Variants in MIPOL1 observed in about 807,000 individuals in gnomAD.
MIPOL1 encodes mirror-image polydactyly 1, also known as mirror-image polydactyly gene 1 protein.
MIPOL1 carries 57 observed loss-of-function variants against 60.9 expected under a neutral mutation model. The observed-to-expected ratio is 0.94, with a 90% CI of 0.76 to 1.17. The LOEUF (loss-of-function observed/expected upper bound fraction) is 1.17, where lower values mean the gene tolerates loss of function less well. Ranked by LOEUF, MIPOL1 falls within the 50% of genes most tolerant of loss-of-function variation. The pLI is 0.00. For synonymous variants in MIPOL1, 179 were observed against 168.8 expected (o/e 1.06, Z -0.47); for missense variants, 551 against 511.6 (o/e 1.08, Z -0.74).
intron 10 of MIPOL1, among the ~76,000 whole-genome samples, chr14:37,402,969 CA>C (rs2093514424): frequency 6.6e-6 from 1 of 152,170 alleles, no homozygotes; most frequent in African/African-American, 2.4e-5. Context: ...GCGGTAGCCA[CA>C]ACCTGTTCGT....
intron 9 of MIPOL1, among the ~76,000 whole-genome samples, chr14:37,353,788 C>A (rs2091591242): frequency 1.3e-5 from 2 of 152,028 alleles, no homozygotes; most frequent in Non-Finnish European, 2.9e-5. Context: ...ATATTTGATT[C>A]TTCTCTCTTT....
intron 7 of MIPOL1, among the ~76,000 whole-genome samples, chr14:37,304,659 A>G (rs538786307): frequency 6.6e-6 from 1 of 151,922 alleles, no homozygotes; most frequent in Non-Finnish European, 1.5e-5. Flanking sequence ...AACAAGGTGA[A>G]CGACTGTAGT....
chr14:37,487,453 A>G (rs2094966888), intron 11 of MIPOL1, among the ~76,000 whole-genome samples: 1 of 152,144 alleles, frequency 6.6e-6, no homozygotes, highest in Non-Finnish European at 1.5e-5. Context: ...TTTGGCTGTG[A>G]ATCCATCTGG....
At chr14:37,336,229 C>T (rs2090104358) in intron 9 of MIPOL1, among the ~76,000 whole-genome samples, 1 of 151,026 alleles carries the variant, frequency 6.6e-6, no homozygotes, top group African/African-American at 2.4e-5. Flanking sequence ...TATATATGCA[C>T]AGGTTTACTT....
rs2082922321 is a variant in MIPOL1, at chr14:37,266,980, A to G, written c.62A>G (p.Asn21Ser). The change falls in exon 4 of 13, where the codon AAT becomes AGT. Residue 21 changes from asparagine (N) to serine (S), a missense_variant. By Grantham distance (46) the Asn-to-Ser change is conservative. Coordinates refer to ENST00000684589, the MANE Select transcript of MIPOL1 (RefSeq NM_001388067.1). ...CTTGAACAAGAAACTACGGGGATAAATAAAAGTACGCAGCCAGATGAGCAA... is the reference window on the plus strand; with the variant it reads ...CTTGAACAAGAAACTACGGGGATAAGTAAAAGTACGCAGCCAGATGAGCAA... The part of the protein sequence containing the change: ...SYLEQETTGI[N>S]KSTQPDEQLT... 6.2e-7 allele frequency: 1 copy of G among 1,613,494 alleles called. No homozygotes were observed. Among genetic ancestry groups the G allele is most frequent in the South Asian group, 1.1e-5 (1 of 91,058 alleles).
rs113313778 is a variant in MIPOL1, at chr14:37,542,887, AT to A, written c.1263-4017del. Among the ~76,000 whole-genome samples the A allele has an allele frequency of 1.0e-2, 1,521 of 152,294 alleles. 35 individuals carry two copies. The highest frequency in any genetic ancestry group is 0.033 in the African/African-American group (1,359 of 41,560). ...TGTTGATTGAACTGAAATAGACCTAATATTCTCTCTTTAACACAGACTCTTA... is the reference window on the plus strand; with the variant it reads ...TGTTGATTGAACTGAAATAGACCTAAATTCTCTCTTTAACACAGACTCTTA... On this transcript the variant is annotated intron_variant, in intron 12 of 12. Coordinates refer to ENST00000684589, the MANE Select transcript of MIPOL1 (RefSeq NM_001388067.1).
chr14:37,296,374 C>T (rs976745205), intron 7 of MIPOL1, among the ~76,000 whole-genome samples: 1 of 152,012 alleles, frequency 6.6e-6, no homozygotes, highest in African/African-American at 2.4e-5. Flanking sequence ...AATTGACACC[C>T]TAACATCACA....
intron 10 of MIPOL1, among the ~76,000 whole-genome samples, chr14:37,404,154 A>G (rs1218666872): frequency 6.6e-6 from 1 of 152,214 alleles, no homozygotes; most frequent in Non-Finnish European, 1.5e-5. Context: ...TGAATATTAT[A>G]TTTCAGAAAG....
chr14:37,403,848 GA>G (rs962313517), intron 10 of MIPOL1, among the ~76,000 whole-genome samples: 1 of 152,168 alleles, frequency 6.6e-6, no homozygotes, highest in Non-Finnish European at 1.5e-5. Context: ...GAAGGTTTGT[GA>G]AAGGGGTGCA....
intron 6 of MIPOL1, among the ~76,000 whole-genome samples, chr14:37,276,129 A>G (rs193285767): frequency 1.0e-3 from 158 of 151,176 alleles, no homozygotes; most frequent in African/African-American, 3.7e-3. Flanking sequence ...TATCTAATCT[A>G]TCTTACTGCA....
chr14:37,202,759 C>G (rs1397972874), intron 1 of MIPOL1, among the ~76,000 whole-genome samples: 2 of 152,190 alleles, frequency 1.3e-5, no homozygotes, highest in Non-Finnish European at 2.9e-5. Flanking sequence ...ATATTGCCTG[C>G]ACTACATTGC....
chr14:37,393,045 T>G (rs903902051), intron 10 of MIPOL1, among the ~76,000 whole-genome samples: 1 of 151,936 alleles, frequency 6.6e-6, no homozygotes, highest in African/African-American at 2.4e-5. Flanking sequence ...AGAGAAAAAT[T>G]TGGACACAGA....
chr14:37,486,623 CTGTT>C (rs1440338073), intron 11 of MIPOL1, among the ~76,000 whole-genome samples: 17 of 152,168 alleles, frequency 1.1e-4, no homozygotes, highest in African/African-American at 3.9e-4. Context: ...CATGATTTGT[CTGTT>C]TGTCTGTTAT....
intron 3 of MIPOL1, among the ~76,000 whole-genome samples, chr14:37,266,633 A>G (rs557605829): frequency 5.3e-5 from 8 of 152,176 alleles, no homozygotes; most frequent in Non-Finnish European, 1.0e-4. Context: ...ATGAAGTGCC[A>G]TATTTCTTCA....
chr14:37,253,240 G>A (rs1974393651), intron 3 of MIPOL1, among the ~76,000 whole-genome samples: 1 of 151,752 alleles, frequency 6.6e-6, no homozygotes, highest in Non-Finnish European at 1.5e-5. Context: ...ACACAGGTTT[G>A]GAGCTAAACA....
chr14:37,371,709 A>C (rs996302881), intron 10 of MIPOL1, among the ~76,000 whole-genome samples: 1 of 152,164 alleles, frequency 6.6e-6, no homozygotes, highest in Non-Finnish European at 1.5e-5. Context: ...ATATTTCCTC[A>C]TGAGAAGCTC....
At chr14:37,293,702 C>G (rs140103952) in intron 7 of MIPOL1, among the ~76,000 whole-genome samples, 1,880 of 152,298 alleles carry the variant, frequency 0.012, 14 homozygotes, top group Middle Eastern at 0.031. Flanking sequence ...CACGGAGCCT[C>G]TCTCATTGCC....
intron 1 of MIPOL1, among the ~76,000 whole-genome samples, chr14:37,212,634 G>T (rs945067637): frequency 1.7e-4 from 26 of 152,100 alleles, no homozygotes; most frequent in African/African-American, 6.0e-4. Context: ...CCTGGGGCCT[G>T]GGGGACCTCA....
rs548084511 is a variant in MIPOL1, at chr14:37,510,217, C to CGT, written c.1262+10088_1262+10089dup. Among the ~76,000 whole-genome samples, 1,053 of 151,454 alleles carry CGT rather than the reference C, an allele frequency of 7.0e-3. 13 individuals are homozygous for CGT. The highest frequency in any genetic ancestry group is 0.025 in the African/African-American group (1,011 of 41,252). On this transcript the variant is annotated intron_variant, in intron 12 of 12. Coordinates refer to ENST00000684589, the MANE Select transcript of MIPOL1 (RefSeq NM_001388067.1). ...GTTTATATATATACACATACATATA[C>CGT]GTGTGTGTGTATATATATAGTTTTG...
Sources: allele counts gnomAD v4.1 joint callset (sites outside exome capture counted in the v4.1 genomes callset), GRCh38; gene constraint gnomAD v4.1.1; transcripts MANE v1.5; gene names NCBI Gene and HGNC (gene_info 2026-07-23, HGNC 2026-07-21).